The following DPP6 variants were observed in gnomAD, a reference collection of about 807,000 sequenced individuals.
The protein encoded by DPP6 is dipeptidyl peptidase like 6.
DPP6 carries 69 observed loss-of-function variants against 122.6 expected under a neutral mutation model. That is an observed-to-expected ratio of 0.56 (90% CI 0.46 to 0.69). DPP6 has a LOEUF of 0.69. Ranked by LOEUF, DPP6 falls within the 30% of genes least tolerant of loss-of-function variation. The pLI is 0.00. For missense variants in DPP6, 928 were observed against 1,116.9 expected (o/e 0.83, Z 2.41); for synonymous variants, 418 against 433.1 (o/e 0.97, Z 0.43).
rs551874603 is a variant in DPP6 at position 153,975,729 on chromosome 7, A to T, written c.51+87995A>T. Among the ~76,000 whole-genome samples the T allele has an allele frequency of 6.6e-5, 10 of 152,326 alleles. No individual in the cohort carries two copies. In the East Asian group the frequency reaches 1.9e-3, roughly 29 times the overall value. The stretch of plus-strand genomic sequence containing the variant: ...AAGATAATAGTTTTCTTTACATCTT[A>T]ATTGCAAATCCTTCAAGAAAAAAGG... On this transcript the variant is annotated intron_variant, in intron 1 of 25. Transcript: ENST00000404039.
At chr7:154,746,337 A>T (rs552364020) in intron 8 of DPP6, among the ~76,000 whole-genome samples, 10 of 152,138 alleles carry the variant, frequency 6.6e-5, no homozygotes, top group Non-Finnish European at 1.5e-4. Context: ...ATATAAGAAG[A>T]GGGGAGCTCC....
At chr7:153,808,455 A>T in the DPP6 span, among the ~76,000 whole-genome samples, 878 of 151,526 alleles carry the variant, frequency 5.8e-3, 19 homozygotes, top group African/African-American at 0.02. Flanking sequence ...GTGTGTGTGT[A>T]TGTGTGATGA....
intron 5 of DPP6, among the ~76,000 whole-genome samples, chr7:154,574,582 T>TGC (rs1324247917): frequency 3.5e-5 from 5 of 141,648 alleles, no homozygotes; most frequent in Admixed American, 2.2e-4. Flanking sequence ...GTGGTGTGTG[T>TGC]GTATGTGTGT....
At chr7:154,768,114 G>C (rs1378443944) in intron 8 of DPP6, among the ~76,000 whole-genome samples, 1 of 152,248 alleles carries the variant, frequency 6.6e-6, no homozygotes, top group African/African-American at 2.4e-5. Flanking sequence ...CGTGCCTGCT[G>C]CAGGCCTCTG....
chr7:153,991,063 A>G (rs1797154392), intron 1 of DPP6, among the ~76,000 whole-genome samples: 1 of 152,208 alleles, frequency 6.6e-6, no homozygotes, highest in South Asian at 2.1e-4. Context: ...TAATAAGGGC[A>G]AGGTGTTTGG....
intron 5 of DPP6, among the ~76,000 whole-genome samples, chr7:154,590,057 G>A (rs1832710152): frequency 6.6e-6 from 1 of 152,176 alleles, no homozygotes; most frequent in Non-Finnish European, 1.5e-5. Context: ...GACCAAGCAA[G>A]GTCGTATTTT....
At chr7:154,408,744 A>G (rs1201673274) in intron 1 of DPP6, among the ~76,000 whole-genome samples, 1 of 149,252 alleles carries the variant, frequency 6.7e-6, no homozygotes. Flanking sequence ...CCTCTGGTCT[A>G]TGACAGTTTC....
intron 1 of DPP6, among the ~76,000 whole-genome samples, chr7:154,428,560 CA>C (rs960932807): frequency 1.3e-5 from 2 of 151,752 alleles, no homozygotes; most frequent in East Asian, 1.9e-4. Flanking sequence ...AGGCTTACTG[CA>C]AAAAAAATTC....
chr7:154,844,486 C>G (rs569742254), intron 16 of DPP6, among the ~76,000 whole-genome samples: 1 of 152,352 alleles, frequency 6.6e-6, no homozygotes, highest in East Asian at 1.9e-4. Flanking sequence ...AATTAGGATT[C>G]TGCTTCTGTT....
At chr7:154,631,750 A>G (rs1400739521) in intron 5 of DPP6, among the ~76,000 whole-genome samples, 4 of 152,090 alleles carry the variant, frequency 2.6e-5, no homozygotes, top group Non-Finnish European at 4.4e-5. Flanking sequence ...GTTTGTTTTC[A>G]ATGAGGGAGA....
chr7:154,250,114 G>A (rs1802254027), intron 1 of DPP6, among the ~76,000 whole-genome samples: 1 of 152,056 alleles, frequency 6.6e-6, no homozygotes, highest in Non-Finnish European at 1.5e-5. Context: ...CCCCCTGCTT[G>A]CTCAATTGAT....
At chr7:153,915,307 A>G (rs1401262658) in intron 1 of DPP6, among the ~76,000 whole-genome samples, 1 of 152,156 alleles carries the variant, frequency 6.6e-6, no homozygotes, top group Non-Finnish European at 1.5e-5. Context: ...CTAAGAACCT[A>G]GTGATGACAC....
At chr7:154,649,064 G>A (rs541701052) in intron 6 of DPP6, among the ~76,000 whole-genome samples, 49 of 152,116 alleles carry the variant, frequency 3.2e-4, no homozygotes, top group Non-Finnish European at 6.0e-4. Context: ...CCACCCAGGC[G>A]AGCGCTGCCA....
chr7:153,910,538 A>G (rs1385842426), intron 1 of DPP6, among the ~76,000 whole-genome samples: 2 of 152,060 alleles, frequency 1.3e-5, no homozygotes, highest in Non-Finnish European at 2.9e-5. Context: ...ATTCATCTAC[A>G]TAGCTTTAAG....
intron 16 of DPP6, among the ~76,000 whole-genome samples, chr7:154,852,914 T>G (rs938230883): frequency 5.3e-5 from 8 of 151,980 alleles, no homozygotes; most frequent in African/African-American, 1.7e-4. Context: ...GCCATGGCAG[T>G]GTCTAGGGGC....
chr7:154,117,323 T>C (rs536921330), intron 1 of DPP6, among the ~76,000 whole-genome samples: 1 of 152,330 alleles, frequency 6.6e-6, no homozygotes, highest in South Asian at 2.1e-4. Context: ...TGATTTTATA[T>C]CGTTTTAATC....
chr7:154,802,836 CAA>C (rs537624311), intron 13 of DPP6, among the ~76,000 whole-genome samples: 3,756 of 110,840 alleles, frequency 0.034, 106 homozygotes, highest in African/African-American at 0.091. Context: ...GACACTGTCT[CAA>C]AAAAAAAAAA....
intron 1 of DPP6, among the ~76,000 whole-genome samples, chr7:154,062,150 C>CCA (rs201763006): frequency 0.026 from 2,704 of 103,484 alleles, 746 homozygotes; most frequent in African/African-American, 0.088. Context: ...CCCTCATCCC[C>CCA]CACCGGCTTA....
chr7:153,774,268 G>T, the DPP6 span, among the ~76,000 whole-genome samples: 1 of 152,134 alleles, frequency 6.6e-6, no homozygotes, highest in Non-Finnish European at 1.5e-5. Flanking sequence ...GAGAAGGAAA[G>T]GTGACTCCTC....
Sources: allele counts gnomAD v4.1 joint callset (sites outside exome capture counted in the v4.1 genomes callset), GRCh38; gene constraint gnomAD v4.1.1; transcripts MANE v1.5; gene names NCBI Gene and HGNC (gene_info 2026-07-23, HGNC 2026-07-21).